The following DPYSL4 variants were observed in gnomAD, a reference collection of about 807,000 sequenced individuals.
The protein encoded by DPYSL4 is dihydropyrimidinase-related protein 4.
In DPYSL4, 43 loss-of-function variants were observed where a neutral mutation model predicts 63.4. That is an observed-to-expected ratio of 0.68 (90% CI 0.53 to 0.88). The LOEUF (loss-of-function observed/expected upper bound fraction) is 0.88. DPYSL4 is among the 40% of genes least tolerant of loss of function. The pLI is 0.00. For missense variants in DPYSL4, 733 were observed against 819.5 expected, an observed-to-expected ratio of 0.89 and a Z score of 1.29; for synonymous variants, 353 against 331.7, an observed-to-expected ratio of 1.06 and a Z score of -0.70.
chr10:132,194,196 C>T (rs961062872), intron 3 of DPYSL4, among the ~76,000 whole-genome samples: 8 of 152,216 alleles, frequency 5.3e-5, no homozygotes, highest in South Asian at 2.1e-4. Context: ...AGTAGGGGCC[C>T]GAGGGAGGGC....
intron 8 of DPYSL4, among the ~76,000 whole-genome samples, 194 bp downstream of exon 8, chr10:132,199,165 T>C (rs2818418): frequency 0.82 from 124,919 of 152,102 alleles, 51,555 homozygotes; most frequent in East Asian, 0.96. Context: ...TTTCCAGCCT[T>C]GCTGGAGCAG....
rs372082822 is a variant in DPYSL4, at chr10:132,202,090, A to T, written c.1255A>T (p.Ile419Phe). The change falls in exon 11 of 14, where the codon ATC becomes TTC. Residue 419 changes from isoleucine (I) to phenylalanine (F), a missense_variant. Physicochemically the swap from Ile to Phe is conservative, Grantham distance 21 (BLOSUM62 0). Coordinates refer to ENST00000338492, the MANE Select transcript of DPYSL4 (RefSeq NM_006426.3). ...CATATGGAACCCCAAGGCCACCAAG[A>T]TCATCTCTGCCAAGACCCACAATCT... The part of the protein sequence containing the change: ...LVIWNPKATK[I>F]ISAKTHNLNV... The T allele has an allele frequency of 1.2e-6, 2 of 1,612,922 alleles. No homozygotes were observed. The highest frequency in any genetic ancestry group is 1.7e-6 in the Non-Finnish European group (2 of 1,179,880).
chr10:132,190,863 G>A (rs754030509), intron 2 of DPYSL4, 28 bp downstream of exon 2: 24 of 1,608,088 alleles, frequency 1.5e-5, no homozygotes, highest in Middle Eastern at 1.7e-4. Flanking sequence ...ATGAAAATAC[G>A]TTCCCAGCTC....
At chr10:132,195,273 G>C (rs2637626) in intron 4 of DPYSL4, among the ~76,000 whole-genome samples, 1 of 152,098 alleles carries the variant, frequency 6.6e-6, no homozygotes, top group Non-Finnish European at 1.5e-5. Context: ...TTTCTTAGAA[G>C]AGAGGCTGCC....
chr10:132,192,158 C>T, intron 2 of DPYSL4: 1 of 237,702 alleles, frequency 4.2e-6, no homozygotes, highest in Non-Finnish European at 6.8e-6. Flanking sequence ...TTTCTAAACC[C>T]ATCCTTGGCA....
At chr10:132,187,379 CGGCCT>C (rs1303193798) in intron 1 of DPYSL4, among the ~76,000 whole-genome samples, 7 of 27,664 alleles carry the variant, frequency 2.5e-4, no homozygotes, top group East Asian at 7.4e-3. Context: ...GGGCCCTGCC[CGGCCT>C]TGCCCGGCCT....
chr10:132,191,604 G>A (rs11146242), intron 2 of DPYSL4, among the ~76,000 whole-genome samples: 3 of 31,184 alleles, frequency 9.6e-5, no homozygotes, highest in Admixed American at 4.2e-4. Flanking sequence ...CGCTGGTCAC[G>A]TGGTATCCAG....
chr10:132,194,730 T>C (rs539457669), intron 3 of DPYSL4, 115 bp from the exon 4 acceptor site: 50 of 1,367,050 alleles, frequency 3.7e-5, no homozygotes, highest in Non-Finnish European at 5.1e-5. Context: ...CTGCTGTGTC[T>C]CCCTCAAATG....
chr10:132,196,789 C>T, intron 4 of DPYSL4, 72 bp from the exon 5 acceptor site: 1 of 1,554,578 alleles, frequency 6.4e-7, no homozygotes, highest in Non-Finnish European at 8.9e-7. Context: ...CTCCAGTGGG[C>T]AGGAGCAGCA....
intron 12 of DPYSL4, among the ~76,000 whole-genome samples, chr10:132,203,280 GC>G (rs34104193): frequency 0.72 from 109,278 of 151,082 alleles, 39,678 homozygotes; most frequent in East Asian, 0.92. Flanking sequence ...AGCCACGGGA[GC>G]CCCCCCCCCA....
rs2061978291 is a variant in DPYSL4 at position 132,198,958 on chromosome 10, G to A, written c.798G>A (p.Gln266=). The change falls in exon 8 of 14, where the codon CAG becomes CAA. Residue 266 remains glutamine, a synonymous_variant. Transcript: ENST00000338492. ...AGGGGGCGGCCGACGCCATCGCTCA[G>A]GCCAAGCGCAGAGGTGAGCACCCAG... The part of the protein sequence containing the change: ...MSKGAADAIA[Q]AKRRGVVVFG... 4.3e-6 allele frequency: 7 copies of A among 1,611,408 alleles called. No individual in the cohort carries two copies. The highest frequency in any genetic ancestry group is 5.9e-6 in the Non-Finnish European group (7 of 1,179,164).
At position 132,205,055 on chromosome 10, in the gene DPYSL4, C is replaced by A; in HGVS notation, c.*125C>A. 1.5e-6 allele frequency: 1 copy of A among 682,628 alleles called. No homozygotes were observed. 42.3% of individuals were successfully genotyped at this position (682,628 alleles called of 1,614,324 possible). On this transcript the variant is annotated 3_prime_UTR_variant, in exon 14 of 14. Transcript: ENST00000338492. ...TTCTCGAAGGTGCTTGGCGGTCTTG[C>A]CTTCCCCCTCCCCACAGGCTCTCCT...
intron 4 of DPYSL4, 139 bp from the exon 5 acceptor site, chr10:132,196,722 A>G (rs2061950219): frequency 8.5e-6 from 8 of 943,316 alleles, no homozygotes; most frequent in Non-Finnish European, 3.3e-6. Context: ...GACTGCTCCC[A>G]GGGCTGGCAA....
chr10:132,202,554 G>A (rs2062032855), intron 11 of DPYSL4, 92 bp from the exon 12 acceptor site: 11 of 1,529,222 alleles, frequency 7.2e-6, no homozygotes, highest in South Asian at 2.5e-5. Flanking sequence ...CCTGCTCCAC[G>A]CTGGGCGGCC....
At chr10:132,199,601 C>T (rs968474109) in intron 8 of DPYSL4, among the ~76,000 whole-genome samples, 4 of 151,278 alleles carry the variant, frequency 2.6e-5, no homozygotes, top group Admixed American at 2.6e-4. Context: ...GGTCTGGTTT[C>T]CCCTCCTCCT....
At position 132,203,822 on chromosome 10, in the gene DPYSL4, G is replaced by A. The variant is rs751650284; in HGVS notation, c.1522G>A (p.Val508Met). 3 of 1,612,620 alleles carry A rather than the reference G, an allele frequency of 1.9e-6. No homozygotes were observed. Among genetic ancestry groups the A allele is most frequent in the South Asian group, 1.1e-5 (1 of 91,070 alleles). Residue 508 changes from valine to methionine, a missense_variant, in exon 13 of 14, where the codon GTG (valine) becomes ATG (methionine). By Grantham distance (21) the Val-to-Met change is conservative. Transcript: ENST00000338492. ...TGACGGGCCCGTCCACGAGGTGATGGTGCCTGCCAAGCCAGGGAGTGGCGC... is the reference window on the plus strand; with the variant it reads ...TGACGGGCCCGTCCACGAGGTGATGATGCCTGCCAAGCCAGGGAGTGGCGC... Reference protein sequence around the residue: ...LYDGPVHEVMVPAKPGSGAPA... With the variant: ...LYDGPVHEVMMPAKPGSGAPA...
At position 132,186,973 on chromosome 10, in the gene DPYSL4, GCACGCGTCCCGGCT is replaced by G. The variant is rs2061798340; in HGVS notation, c.-80_-67del. 1 of 583,300 alleles carries G rather than the reference GCACGCGTCCCGGCT, an allele frequency of 1.7e-6. No homozygotes were observed. Among genetic ancestry groups the G allele is most frequent in the African/African-American group, 2.0e-5 (1 of 49,518 alleles). The allele number at this position is 583,300 out of a possible 1,614,324, so 36.1% of individuals were successfully genotyped here. On this transcript the variant is annotated 5_prime_UTR_variant, in exon 1 of 14. Coordinates refer to ENST00000338492, the MANE Select transcript of DPYSL4 (RefSeq NM_006426.3). Reference sequence around the variant, plus strand: ...GCAGTCTGTCTCCCGCCGTCCCCACGCACGCGTCCCGGCTCACGCGTCCCCCCGCCCGCCCGCCC... The same window carrying G: ...GCAGTCTGTCTCCCGCCGTCCCCACGCACGCGTCCCCCCGCCCGCCCGCCC...
At chr10:132,203,723 GC>G in intron 12 of DPYSL4, 38 bp from the exon 13 acceptor site, 1 of 1,561,962 alleles carries the variant, frequency 6.4e-7, no homozygotes, top group South Asian at 1.2e-5. Flanking sequence ...CCCAGGCTCA[GC>G]CCCTCATGCC....
rs183585700 is a variant in DPYSL4 at position 132,199,105 on chromosome 10, T to C, written c.811+134T>C. 7.9e-3 allele frequency: 10,330 copies of C among 1,310,660 alleles called. 117 individuals carry two copies. Among genetic ancestry groups the C allele is most frequent in the Middle Eastern group, 0.023 (86 of 3,666 alleles). 81.2% of individuals were successfully genotyped at this position (1,310,660 alleles called of 1,614,324 possible). A position where few individuals can be genotyped will look rare whatever the true frequency, so the allele number is the denominator to read the frequency against. On this transcript the variant is annotated intron_variant, in intron 8 of 13. Coordinates refer to ENST00000338492, the MANE Select transcript of DPYSL4 (RefSeq NM_006426.3). ...TGGACCCTGAGTCCCTGCATCGGGG[T>C]GGGGCACTGGACCCTGAGTCCCTGC... is the stretch of plus-strand genomic sequence containing the variant.
Sources: allele counts gnomAD v4.1 joint callset (sites outside exome capture counted in the v4.1 genomes callset), GRCh38; gene constraint gnomAD v4.1.1; transcripts MANE v1.5; gene names NCBI Gene and HGNC (gene_info 2026-07-23, HGNC 2026-07-21).